Variants in NSUN6 observed in about 807,000 individuals in gnomAD.
NSUN6 encodes tRNA (cytosine(72)-C(5))-methyltransferase NSUN6.
Under a neutral mutation model 58.0 loss-of-function variants are expected in NSUN6, and 64 were observed. The ratio of observed to expected loss-of-function variants is 1.10; its 90% CI spans 0.90 to 1.36. The LOEUF is 1.36. NSUN6 is among the 40% of genes most tolerant of loss of function. The probability of loss-of-function intolerance (pLI) is 0.00; values close to 1 mark genes in which losing one functional copy is unlikely to be tolerated. For synonymous variants in NSUN6, 231 were observed against 193.9 expected (o/e 1.19, Z -1.59); for missense variants, 701 against 550.1 (o/e 1.27, Z -2.74).
At chr10:18,603,557 G>A (rs1321450825) in intron 6 of NSUN6, among the ~76,000 whole-genome samples, 3 of 149,876 alleles carry the variant, frequency 2.0e-5, no homozygotes, top group East Asian at 2.0e-4. Context: ...TTCAACCTCC[G>A]CCTCCCGGGT....
At chr10:18,580,830 C>G (rs2056872412) in intron 8 of NSUN6, among the ~76,000 whole-genome samples, 11 of 152,218 alleles carry the variant, frequency 7.2e-5, no homozygotes, top group Admixed American at 7.2e-4. Flanking sequence ...CTGTTTGGGT[C>G]TGCAGCAACC....
At chr10:18,600,400 G>T (rs533774459) in intron 6 of NSUN6, among the ~76,000 whole-genome samples, 17 of 152,110 alleles carry the variant, frequency 1.1e-4, no homozygotes, top group Non-Finnish European at 2.1e-4. Context: ...CTAGGTCGGA[G>T]GACCGCTTCA....
chr10:18,572,789 A>T (rs187194419), intron 8 of NSUN6, among the ~76,000 whole-genome samples: 137 of 141,404 alleles, frequency 9.7e-4, no homozygotes, highest in Non-Finnish European at 1.2e-3. Flanking sequence ...ACTCCATTCC[A>T]TTCCATTCCA....
rs1218079876 is a variant in NSUN6, at chr10:18,551,956, A to T, written c.938T>A (p.Leu313Gln). Residue 313 changes from leucine (L) to glutamine (Q), a missense_variant, in exon 9 of 11, where the codon CTA becomes CAA. Coordinates refer to ENST00000377304, the MANE Select transcript of NSUN6 (RefSeq NM_182543.5). ...AAGAATTCGGTCAAAGGATTCTGGT[A>T]GAAATGGAGGTTCTCCTATAAAGAG... is the stretch of plus-strand genomic sequence containing the variant. ...VEDTEGEPPFLPESFDRILLD... is the reference protein window; with the variant it reads ...VEDTEGEPPFQPESFDRILLD... 6.2e-7 allele frequency: 1 copy of T among 1,603,722 alleles called. No homozygotes were observed. The highest frequency in any genetic ancestry group is 8.5e-7 in the Non-Finnish European group (1 of 1,171,638).
intron 3 of NSUN6, among the ~76,000 whole-genome samples, chr10:18,637,201 G>A (rs1298193157): frequency 3.9e-5 from 6 of 152,034 alleles, no homozygotes; most frequent in Admixed American, 6.6e-5. Context: ...GGCCTCAGGT[G>A]ATCCACCCCC....
chr10:18,614,316 T>C (rs984101706), intron 5 of NSUN6, 144 bp downstream of exon 5: 4 of 406,040 alleles, frequency 9.9e-6, no homozygotes, highest in South Asian at 1.1e-4. Flanking sequence ...CATGGAAATA[T>C]GGGTTTAAAC....
chr10:18,554,626 G>A (rs1451127792), intron 8 of NSUN6, among the ~76,000 whole-genome samples: 1 of 151,404 alleles, frequency 6.6e-6, no homozygotes, highest in Non-Finnish European at 1.5e-5. Flanking sequence ...ACTGGAGAAT[G>A]GAATGGAATG....
Position 18,592,352 on chromosome 10 carries a change from C to A in NSUN6, c.777+3856G>T, listed in dbSNP as rs78492763. On this transcript the variant is annotated intron_variant, in intron 7 of 10. Coordinates refer to ENST00000377304, the MANE Select transcript of NSUN6 (RefSeq NM_182543.5). ...ATCAAGCCACGATTGTCTTTCTTAG[C>A]AGAATTAGAAAAAAATACTTTAAAC... 8.8e-3 allele frequency among the ~76,000 whole-genome samples: 1,335 copies of A among 152,140 alleles called. 16 individuals are homozygous for A. Among genetic ancestry groups the A allele is most frequent in the South Asian group, 0.034 (162 of 4,824 alleles).
intron 5 of NSUN6, among the ~76,000 whole-genome samples, chr10:18,613,741 C>T (rs939202181): frequency 1.3e-5 from 2 of 152,282 alleles, no homozygotes; most frequent in Admixed American, 1.3e-4. Flanking sequence ...ATTTCAATTA[C>T]AAACCCAAAC....
intron 10 of NSUN6, among the ~76,000 whole-genome samples, chr10:18,547,196 C>G (rs1399731663): frequency 6.6e-6 from 1 of 152,110 alleles, no homozygotes; most frequent in Non-Finnish European, 1.5e-5. Context: ...GATCTATAAT[C>G]CTAAGTCACC....
upstream of NSUN6, among the ~76,000 whole-genome samples, chr10:18,656,207 A>T (rs2059776072): frequency 7.9e-5 from 12 of 152,170 alleles, no homozygotes; most frequent in Admixed American, 7.9e-4. Context: ...AGTCACACCT[A>T]ATCTGGAGAC....
intron 8 of NSUN6, among the ~76,000 whole-genome samples, chr10:18,564,333 T>A (rs1380860304): frequency 6.7e-6 from 1 of 150,196 alleles, no homozygotes; most frequent in East Asian, 2.0e-4. Context: ...TCCTTTCCAT[T>A]CTCCATTGCA....
intron 8 of NSUN6, among the ~76,000 whole-genome samples, chr10:18,572,998 A>T (rs974751119): frequency 6.6e-5 from 9 of 137,018 alleles, no homozygotes; most frequent in African/African-American, 2.5e-4. Flanking sequence ...TCTCTATTCC[A>T]TTCCATTCCA....
intron 8 of NSUN6, among the ~76,000 whole-genome samples, chr10:18,579,763 G>A (rs898990145): frequency 1.3e-5 from 2 of 152,162 alleles, no homozygotes; most frequent in South Asian, 4.1e-4. Flanking sequence ...AAGAGACAGA[G>A]GGTTGCATTC....
At chr10:18,593,667 T>C (rs2057463646) in intron 7 of NSUN6, among the ~76,000 whole-genome samples, 1 of 151,764 alleles carries the variant, frequency 6.6e-6, no homozygotes. Flanking sequence ...TGAGAACACA[T>C]GGACACAGGG....
chr10:18,631,190 A>T, intron 3 of NSUN6, among the ~76,000 whole-genome samples: 1 of 152,130 alleles, frequency 6.6e-6, no homozygotes, highest in Non-Finnish European at 1.5e-5. Flanking sequence ...AAGGCCTTTG[A>T]CAAAATTCAA....
At chr10:18,573,962 A>T (rs1272982937) in intron 8 of NSUN6, among the ~76,000 whole-genome samples, 1 of 152,120 alleles carries the variant, frequency 6.6e-6, no homozygotes, top group Non-Finnish European at 1.5e-5. Flanking sequence ...GCCTAACCAT[A>T]TCCTGTGGAC....
At chr10:18,632,866 G>C (rs1486700300) in intron 3 of NSUN6, among the ~76,000 whole-genome samples, 4 of 152,120 alleles carry the variant, frequency 2.6e-5, no homozygotes, top group Non-Finnish European at 4.4e-5. Flanking sequence ...CAGGGATCTA[G>C]AACTAGAAAT....
At chr10:18,630,235 T>C (rs2058978894) in intron 3 of NSUN6, among the ~76,000 whole-genome samples, 1 of 148,266 alleles carries the variant, frequency 6.7e-6, no homozygotes, top group African/African-American at 2.5e-5. Context: ...TACCAGAATC[T>C]CTGGGACACA....
Sources: allele counts gnomAD v4.1 joint callset (sites outside exome capture counted in the v4.1 genomes callset), GRCh38; gene constraint gnomAD v4.1.1; transcripts MANE v1.5; gene names NCBI Gene and HGNC (gene_info 2026-07-23, HGNC 2026-07-21).